ZNF892: variants seen among roughly 807,000 people sequenced by gnomAD.
ZNF892 encodes the protein zinc finger protein 892, also known as zinc finger protein 570-like.
the ZNF892 span, chr2:95,207,485 C>G: frequency 8.2e-6 from 2 of 243,690 alleles, no homozygotes; most frequent in East Asian, 7.8e-5. Context: ...GAGTGAGGGC[C>G]GTCAGCCGCG....
the ZNF892 span, among the ~76,000 whole-genome samples, chr2:95,218,122 G>A: frequency 6.6e-6 from 1 of 152,056 alleles, no homozygotes; most frequent in Non-Finnish European, 1.5e-5. Flanking sequence ...GCTTCTCCTG[G>A]GGCTGCTAAA....
At chr2:95,211,729 G>A in the ZNF892 span, 1 of 398,510 alleles carries the variant, frequency 2.5e-6, no homozygotes, top group Non-Finnish European at 4.4e-6. Context: ...GGGTAAGGAT[G>A]GCTCCCCCAA....
the ZNF892 span, chr2:95,212,324 T>C: frequency 2.5e-6 from 1 of 398,372 alleles, no homozygotes; most frequent in Non-Finnish European, 4.4e-6. Context: ...AGATTGTCAA[T>C]GCAAATGCTT....
the ZNF892 span, among the ~76,000 whole-genome samples, chr2:95,224,794 G>T: frequency 6.6e-6 from 1 of 152,200 alleles, no homozygotes; most frequent in Non-Finnish European, 1.5e-5. Flanking sequence ...CCTAATGGGA[G>T]GTCAATGGAT....
chr2:95,207,569 G>C, the ZNF892 span: 3 of 378,254 alleles, frequency 7.9e-6, no homozygotes, highest in Non-Finnish European at 1.4e-5. Flanking sequence ...CCGGCTGTTA[G>C]ATGCCTTTGT....
the ZNF892 span, among the ~76,000 whole-genome samples, chr2:95,216,973 A>T: frequency 1.3e-5 from 2 of 152,202 alleles, no homozygotes; most frequent in Non-Finnish European, 1.5e-5. Context: ...CCATAACAAG[A>T]TAGCATAGAC....
chr2:95,228,737 G>C, the ZNF892 span, among the ~76,000 whole-genome samples: 36 of 152,134 alleles, frequency 2.4e-4, 1 homozygote, highest in African/African-American at 8.7e-4. Context: ...GAAAAGAGGA[G>C]CTTTCTATCT....
chr2:95,249,922 G>A, the ZNF892 span, among the ~76,000 whole-genome samples: 3 of 151,944 alleles, frequency 2.0e-5, no homozygotes, highest in African/African-American at 7.2e-5. Context: ...AAAGATTTTG[G>A]AACTTATTTT....
chr2:95,211,374 A>G, the ZNF892 span, among the ~76,000 whole-genome samples: 1 of 152,234 alleles, frequency 6.6e-6, no homozygotes. Context: ...CAAGTTTTAC[A>G]TTGAAGGTGC....
the ZNF892 span, among the ~76,000 whole-genome samples, chr2:95,243,516 G>A: frequency 2.0e-5 from 3 of 151,922 alleles, no homozygotes; most frequent in African/African-American, 7.3e-5. Context: ...CGTCCGGGAT[G>A]TGAGGAGCGT....
the ZNF892 span, among the ~76,000 whole-genome samples, chr2:95,225,375 C>T: frequency 4.6e-5 from 7 of 152,110 alleles, no homozygotes; most frequent in South Asian, 2.1e-4. Context: ...CAGGGAAGTT[C>T]GAGATCAAGG....
the ZNF892 span, among the ~76,000 whole-genome samples, chr2:95,217,907 C>A: frequency 6.6e-6 from 1 of 152,180 alleles, no homozygotes; most frequent in Non-Finnish European, 1.5e-5. Flanking sequence ...AAACAGGAGG[C>A]ATCCCCAATG....
chr2:95,249,668 C>T, the ZNF892 span, among the ~76,000 whole-genome samples: 8 of 152,008 alleles, frequency 5.3e-5, no homozygotes, highest in African/African-American at 1.4e-4. Context: ...ACCAATATAC[C>T]ATCTCATCAT....
At chr2:95,221,480 G>A in the ZNF892 span, among the ~76,000 whole-genome samples, 1 of 152,068 alleles carries the variant, frequency 6.6e-6, no homozygotes, top group African/African-American at 2.4e-5. Flanking sequence ...GGGAGTTTGT[G>A]TCCCTTGAAT....
the ZNF892 span, among the ~76,000 whole-genome samples, chr2:95,209,593 G>A: frequency 6.6e-6 from 1 of 152,172 alleles, no homozygotes; most frequent in Non-Finnish European, 1.5e-5. Flanking sequence ...AGGCCTAACA[G>A]CATACAGGTA....
the ZNF892 span, among the ~76,000 whole-genome samples, chr2:95,245,419 TGTATTTTTTA>T: frequency 7.8e-4 from 113 of 143,990 alleles, no homozygotes; most frequent in African/African-American, 2.6e-3. Context: ...GCTAATTTTT[TGTATTTTTTA>T]GTATTTTTTA....
chr2:95,242,452 T>C, the ZNF892 span, among the ~76,000 whole-genome samples: 1 of 152,162 alleles, frequency 6.6e-6, no homozygotes, highest in Non-Finnish European at 1.5e-5. Flanking sequence ...CTGAAGGAAT[T>C]CATCACCACC....
At chr2:95,243,942 C>T in the ZNF892 span, among the ~76,000 whole-genome samples, 4 of 152,088 alleles carry the variant, frequency 2.6e-5, no homozygotes, top group South Asian at 2.1e-4. Context: ...GGATGGTTGC[C>T]GTGTCTCTGT....
At chr2:95,227,744 G>A in the ZNF892 span, among the ~76,000 whole-genome samples, 1 of 151,822 alleles carries the variant, frequency 6.6e-6, no homozygotes, top group African/African-American at 2.4e-5. Context: ...AGCTTCCCGA[G>A]TATCTGGGAT....
Sources: gnomAD v4.1 joint callset for allele counts (sites outside exome capture counted in the v4.1 genomes callset) on GRCh38, gnomAD v4.1.1 for gene constraint, MANE v1.5 for transcripts, NCBI Gene and HGNC (gene_info 2026-07-23, HGNC 2026-07-21) for gene names.